The following BMP1 variants were observed in gnomAD, a reference collection of about 807,000 sequenced individuals.
BMP1 encodes the protein bone morphogenetic protein 1, also known as mammalian tolloid protein.
BMP1 carries 63 observed loss-of-function variants against 116.8 expected under a neutral mutation model. The observed-to-expected ratio is 0.54, with a 90% confidence interval of 0.44 to 0.67. The LOEUF is 0.67. Ranked by LOEUF, BMP1 falls within the 30% of genes least tolerant of loss-of-function variation. The probability of loss-of-function intolerance (pLI) is 0.00; values close to 1 mark genes in which losing one functional copy is unlikely to be tolerated. For missense variants in BMP1, 1,183 were observed against 1,358.9 expected, an observed-to-expected ratio of 0.87 and a Z score of 2.04; for synonymous variants, 536 against 533.4, an observed-to-expected ratio of 1.00 and a Z score of -0.07.
chr8:22,197,090 G>C, intron 14 of BMP1, 150 bp from the exon 15 acceptor site: 1 of 1,105,272 alleles, frequency 9.0e-7, no homozygotes, highest in South Asian at 1.6e-5. Context: ...GGAAGGCTTA[G>C]GGCTGGCTTG....
In BMP1 at chr8:22,201,822, G is replaced by A. The variant is rs780043249; in HGVS notation, c.2127G>A (p.Lys709=). ...CTGCAGACAAGGACGAGTGCTCCAA[G>A]GATAACGGCGGCTGCCAGCAGGACT... ...HFFSDKDECS[K]DNGGCQQDCV... The change falls in exon 16 of 20, where the codon AAG becomes AAA. Residue 709 remains lysine (K), a synonymous_variant. Transcript: ENST00000306385. The A allele has an allele frequency of 5.5e-5, 89 of 1,613,076 alleles. No homozygotes were observed. Among genetic ancestry groups the A allele is most frequent in the Non-Finnish European group, 7.3e-5 (86 of 1,179,970 alleles).
Position 22,194,942 on chromosome 8 carries a change from C to G in BMP1, c.1639+23C>G, listed in dbSNP as rs375835283. 1.3e-6 allele frequency: 2 copies of G among 1,587,264 alleles called. No homozygotes were observed. Among genetic ancestry groups the G allele is most frequent in the Admixed American group, 3.5e-5 (2 of 56,362 alleles). On this transcript the variant is annotated intron_variant, in intron 12 of 19. Transcript: ENST00000306385. The surrounding 1 kb of genome is among the most constrained non-coding windows in gnomAD (Gnocchi z 4.5). ...AAGGTGCCTCCTCTGTTACTCTCCCCTGCCCCAAGGTGCCTCGTGACCTTC... is the reference window on the plus strand; with the variant it reads ...AAGGTGCCTCCTCTGTTACTCTCCCGTGCCCCAAGGTGCCTCGTGACCTTC...
rs202156151 is a variant in BMP1 at position 22,176,496 on chromosome 8, G to C, written c.434-37G>C. Reference sequence around the variant, plus strand: ...TGGTGGGTAGGGGGTGGGACTGCCTGGACACCGTGGCAACCTGGCTTCCTT... The same window carrying C: ...TGGTGGGTAGGGGGTGGGACTGCCTCGACACCGTGGCAACCTGGCTTCCTT... On this transcript the variant is annotated intron_variant, in intron 3 of 19. Transcript: ENST00000306385. 7.5e-4 allele frequency: 1,200 copies of C among 1,604,830 alleles called. 13 individuals carry two copies. In the South Asian group the frequency reaches 0.013, roughly 17 times the overall value.
Position 22,207,330 on chromosome 8 carries a change from C to T in BMP1, c.2389C>T (p.Gln797Ter). The T allele has an allele frequency of 6.2e-7, 1 of 1,613,818 alleles. No homozygotes were observed. Among genetic ancestry groups the T allele is most frequent in the South Asian group, 1.1e-5 (1 of 91,080 alleles). ...LTFMEMDIES[Q>*]PECAYDHLEV... Reference sequence around the variant, plus strand: ...CTTCATGGAGATGGACATCGAGTCCCAGCCTGAGTGTGCCTACGACCACCT... The same window carrying T: ...CTTCATGGAGATGGACATCGAGTCCTAGCCTGAGTGTGCCTACGACCACCT... Residue 797 changes from glutamine (Q) to a stop codon, truncating the protein, a stop_gained, in exon 18 of 20, where the codon CAG becomes TAG. Coordinates refer to ENST00000306385, the MANE Select transcript of BMP1 (RefSeq NM_006129.5). LOFTEE classifies it high-confidence loss of function.
chr8:22,206,543 C>G (rs146012060), intron 16 of BMP1, among the ~76,000 whole-genome samples: 1 of 151,574 alleles, frequency 6.6e-6, no homozygotes, highest in Non-Finnish European at 1.5e-5. Flanking sequence ...AATGGAGAGG[C>G]ACAGGTGATA....
At chr8:22,183,796 G>A (rs146822751) in intron 8 of BMP1, among the ~76,000 whole-genome samples, 7,279 of 151,976 alleles carry the variant, frequency 0.048, 276 homozygotes, top group Admixed American at 0.093. Flanking sequence ...GGCTGGTCTC[G>A]AACTCCCGAC....
rs777853681 is a variant in BMP1 at position 22,194,542 on chromosome 8, C to G, written c.1395C>G (p.Ile465Met). Reference protein sequence around the residue: ...YRPSKVCIWRIQVSEGFHVGL... With the variant: ...YRPSKVCIWRMQVSEGFHVGL... ...CCAGCAAAGTCTGCATCTGGCGGAT[C>G]CAGGTGTCTGAGGGCTTCCACGTGG... The change falls in exon 11 of 20, where the codon ATC (isoleucine) becomes ATG (methionine). Residue 465 changes from isoleucine (I) to methionine (M), a missense_variant. This residue lies in a region of BMP1 where 956 missense variants were observed against 1,135.2 expected (regional missense o/e 0.84). Coordinates refer to ENST00000306385, the MANE Select transcript of BMP1 (RefSeq NM_006129.5). The surrounding 1 kb of genome is among the most constrained non-coding windows in gnomAD (Gnocchi z 4.5). The G allele has an allele frequency of 1.2e-6, 2 of 1,614,204 alleles. No homozygotes were observed. Among genetic ancestry groups the G allele is most frequent in the South Asian group, 1.1e-5 (1 of 91,078 alleles).
In BMP1 at chr8:22,192,203, C is replaced by G. The variant is rs759048351; in HGVS notation, c.1180+52C>G. On this transcript the variant is annotated intron_variant, in intron 9 of 19. Transcript: ENST00000306385. ...CCTCCATGCTGATTCCCTCTCTGAG[C>G]CACCCTCATCACACTCTTCATCCCC... 5 of 1,480,764 alleles carry G rather than the reference C, an allele frequency of 3.4e-6. No homozygotes were observed. The Admixed American group carries it at 8.4e-5, about 25-fold the overall frequency. The allele number at this position is 1,480,764 out of a possible 1,614,324, so 91.7% of individuals were successfully genotyped here.
intron 8 of BMP1, among the ~76,000 whole-genome samples, chr8:22,188,465 C>T (rs773344161): frequency 4.6e-5 from 7 of 152,170 alleles, no homozygotes; most frequent in East Asian, 1.9e-4. Flanking sequence ...CCACCGCACC[C>T]GGCCCCATCT....
At chr8:22,195,155 C>CTG (rs780364365) in intron 12 of BMP1, among the ~76,000 whole-genome samples, 4 of 152,114 alleles carry the variant, frequency 2.6e-5, no homozygotes, top group Non-Finnish European at 5.9e-5. Context: ...TTTTTTTTAC[C>CTG]TGTGTGACCT....
At chr8:22,204,592 G>A (rs534504424) in intron 16 of BMP1, among the ~76,000 whole-genome samples, 12 of 152,244 alleles carry the variant, frequency 7.9e-5, no homozygotes, top group South Asian at 4.2e-4. Flanking sequence ...GCGTGGTGGC[G>A]CAAGCCTATA....
In BMP1 at chr8:22,177,030, G is replaced by A; in HGVS notation, c.621G>A (p.Lys207=). Residue 207 remains lysine, a synonymous_variant, in exon 5 of 20, where the codon AAG becomes AAA. Transcript: ENST00000306385. ...TCTCCATCGGCAAGAACTGTGACAA[G>A]TTCGGCATTGTGGTCCACGAGCTGG... ...QAISIGKNCD[K]FGIVVHELGH... 1 of 1,613,036 alleles carries A rather than the reference G, an allele frequency of 6.2e-7. No individual in the cohort carries two copies.
chr8:22,202,370 A>G (rs1829282978), intron 16 of BMP1, among the ~76,000 whole-genome samples: 1 of 152,090 alleles, frequency 6.6e-6, no homozygotes, highest in South Asian at 2.1e-4. Context: ...TCCTGGGTAA[A>G]ATGTAGATAA....
chr8:22,165,389 G>C lies in BMP1; in HGVS notation c.-17G>C. The C allele has an allele frequency of 7.0e-7, 1 of 1,436,222 alleles. No individual in the cohort carries two copies. Among genetic ancestry groups the C allele is most frequent in the African/African-American group, 1.5e-5 (1 of 66,704 alleles). The allele number at this position is 1,436,222 out of a possible 1,614,324, so 89.0% of individuals were successfully genotyped here. On this transcript the variant is annotated 5_prime_UTR_variant, in exon 1 of 20. Transcript: ENST00000306385. Reference sequence around the variant, plus strand: ...TGGCCTCCAGTGCGCCGCTTCCCTCGCCGCCGCCCCGCCAGCATGCCCGGC... The same window carrying C: ...TGGCCTCCAGTGCGCCGCTTCCCTCCCCGCCGCCCCGCCAGCATGCCCGGC...
intron 8 of BMP1, among the ~76,000 whole-genome samples, chr8:22,185,424 C>G (rs1176485329): frequency 6.6e-6 from 1 of 151,290 alleles, no homozygotes; most frequent in Non-Finnish European, 1.5e-5. Context: ...CCACTGCATT[C>G]CAGCCTGGGC....
chr8:22,201,329 C>T (rs904340601), intron 15 of BMP1: 11 of 1,502,122 alleles, frequency 7.3e-6, no homozygotes, highest in African/African-American at 2.8e-5. Context: ...TCCCTCTGGC[C>T]GGACAGAACT....
intron 15 of BMP1, chr8:22,199,408 T>C (rs997225771): frequency 7.9e-7 from 1 of 1,262,764 alleles, no homozygotes; most frequent in African/African-American, 1.6e-5. Context: ...TCTCCTTGCC[T>C]GGGCCCATGC....
Position 22,211,979 on chromosome 8 carries a change from A to G in BMP1, c.*251A>G. ...AGCTTCCACAAGACATTTCGAAGTC[A>G]TCATTCCTCTCTTAGGGGGCCCTGC... On this transcript the variant is annotated 3_prime_UTR_variant, in exon 20 of 20. Coordinates refer to ENST00000306385, the MANE Select transcript of BMP1 (RefSeq NM_006129.5). The G allele has an allele frequency of 1.8e-6, 1 of 559,694 alleles. No individual in the cohort carries two copies. Among genetic ancestry groups the G allele is most frequent in the Non-Finnish European group, 3.2e-6 (1 of 316,664 alleles). The allele number at this position is 559,694 out of a possible 1,614,324, so 34.7% of individuals were successfully genotyped here.
At chr8:22,204,439 G>A (rs7830627) in intron 16 of BMP1, among the ~76,000 whole-genome samples, 12,606 of 152,206 alleles carry the variant, frequency 0.083, 555 homozygotes, top group South Asian at 0.098. Context: ...AATCTGAGTC[G>A]GGGCAGGGCG....
Sources: allele counts gnomAD v4.1 joint callset (sites outside exome capture counted in the v4.1 genomes callset), GRCh38; gene constraint gnomAD v4.1.1; regional missense constraint gnomAD v4.1.1; non-coding constraint Gnocchi (gnomAD v3.1); transcripts MANE v1.5; gene names NCBI Gene and HGNC (gene_info 2026-07-23, HGNC 2026-07-21).